XPR1: variants seen among roughly 807,000 people sequenced by gnomAD.
XPR1 encodes xenotropic and polytropic retrovirus receptor 1.
A neutral mutation model predicts 87.5 loss-of-function variants in XPR1; 28 were observed. That is an observed-to-expected ratio of 0.32 (90% confidence interval 0.24 to 0.44). The LOEUF is 0.44. XPR1 is among the 20% of genes least tolerant of loss of function. The pLI is 1.00. For missense variants in XPR1, 559 were observed against 862.3 expected (o/e 0.65, Z 4.41); for synonymous variants, 300 against 306.1 (o/e 0.98, Z 0.21).
chr1:180,883,384 A>G (rs922962962), intron 14 of XPR1, among the ~76,000 whole-genome samples: 3 of 151,912 alleles, frequency 2.0e-5, no homozygotes, highest in African/African-American at 7.3e-5. Context: ...GGAAACGGGC[A>G]CTCAAAGGGT....
rs531333789 is a variant in XPR1 at position 180,877,255 on chromosome 1, CTT to C, written c.1809-2820_1809-2819del. 4.4e-3 allele frequency among the ~76,000 whole-genome samples: 664 copies of C among 152,240 alleles called. 3 individuals carry two copies. The highest frequency in any genetic ancestry group is 0.015 in the African/African-American group (627 of 41,526). On this transcript the variant is annotated intron_variant, in intron 13 of 14. Transcript: ENST00000367590. ...TCCTGAAAAGAACAAAGTTAAAAGA[CTT>C]ATACTGTCAGATATCAAAATTGATT...
chr1:180,850,707 C>A (rs1401501141), intron 11 of XPR1, among the ~76,000 whole-genome samples: 1 of 152,074 alleles, frequency 6.6e-6, no homozygotes, highest in African/African-American at 2.4e-5. Flanking sequence ...CCTGTAATCT[C>A]AGCATTTTGG....
chr1:180,742,102 G>A (rs551844282), intron 2 of XPR1, among the ~76,000 whole-genome samples: 16 of 151,606 alleles, frequency 1.1e-4, no homozygotes, highest in South Asian at 4.2e-4. Flanking sequence ...TTTCTAAAGA[G>A]CCATCTTTTG....
At chr1:180,668,410 T>A (rs1656041624) in intron 1 of XPR1, among the ~76,000 whole-genome samples, 1 of 152,218 alleles carries the variant, frequency 6.6e-6, no homozygotes, top group Non-Finnish European at 1.5e-5. Context: ...ATTACAGGCG[T>A]GAGCCACTGC....
intron 2 of XPR1, among the ~76,000 whole-genome samples, chr1:180,731,703 C>T (rs1395468682): frequency 6.6e-6 from 1 of 152,162 alleles, no homozygotes; most frequent in Non-Finnish European, 1.5e-5. Context: ...ATCATTTTAA[C>T]ACATAATCAA....
chr1:180,652,754 G>C, intron 1 of XPR1, among the ~76,000 whole-genome samples: 1 of 152,164 alleles, frequency 6.6e-6, no homozygotes, highest in East Asian at 1.9e-4. Flanking sequence ...TTCAAATCTA[G>C]CTTGATGTAT....
chr1:180,862,972 A>T (rs183839011), intron 11 of XPR1, among the ~76,000 whole-genome samples: 1 of 152,262 alleles, frequency 6.6e-6, no homozygotes, highest in East Asian at 1.9e-4. Context: ...ATTAAATTGT[A>T]TAACTATATT....
intron 2 of XPR1, among the ~76,000 whole-genome samples, chr1:180,749,918 A>G (rs1453886460): frequency 6.6e-6 from 1 of 152,220 alleles, no homozygotes; most frequent in Non-Finnish European, 1.5e-5. Context: ...TAAAAGGGCA[A>G]ATGAAGGGTT....
intron 2 of XPR1, among the ~76,000 whole-genome samples, chr1:180,727,312 A>C (rs1658388211): frequency 6.6e-6 from 1 of 152,152 alleles, no homozygotes; most frequent in Non-Finnish European, 1.5e-5. Context: ...GATCTTGCGC[A>C]AGAAAGAATG....
intron 7 of XPR1, among the ~76,000 whole-genome samples, chr1:180,824,121 C>G (rs1344541466): frequency 1.3e-5 from 2 of 152,170 alleles, no homozygotes; most frequent in Non-Finnish European, 2.9e-5. Context: ...CAGAACTGAT[C>G]ACATGATTCT....
chr1:180,632,706 C>T (rs951697254), intron 1 of XPR1, among the ~76,000 whole-genome samples: 7 of 152,250 alleles, frequency 4.6e-5, no homozygotes, highest in African/African-American at 1.2e-4. Context: ...GTTTCTCTCT[C>T]TACACCTCTC....
intron 2 of XPR1, among the ~76,000 whole-genome samples, chr1:180,714,394 TC>T: frequency 7.0e-6 from 1 of 142,312 alleles, no homozygotes; most frequent in African/African-American, 2.7e-5. Flanking sequence ...TCTCTCTCTC[TC>T]TCTCTCTGTC....
intron 13 of XPR1, among the ~76,000 whole-genome samples, chr1:180,874,467 A>G (rs1652598003): frequency 2.6e-5 from 4 of 152,096 alleles, no homozygotes; most frequent in Admixed American, 2.6e-4. Context: ...AGGCCGGTGG[A>G]TCACCTGAGG....
chr1:180,815,406 A>G (rs953572739), intron 7 of XPR1, among the ~76,000 whole-genome samples: 2 of 152,150 alleles, frequency 1.3e-5, no homozygotes, highest in African/African-American at 4.8e-5. Context: ...GAGGGTAAAT[A>G]TAGTTAAAGC....
At chr1:180,709,163 C>T (rs1032579436) in intron 2 of XPR1, among the ~76,000 whole-genome samples, 3 of 152,150 alleles carry the variant, frequency 2.0e-5, no homozygotes, top group South Asian at 2.1e-4. Flanking sequence ...CCACCCGCCT[C>T]GGCCTCCCAA....
At chr1:180,767,127 G>A (rs1467098223) in intron 2 of XPR1, among the ~76,000 whole-genome samples, 3 of 152,144 alleles carry the variant, frequency 2.0e-5, no homozygotes, top group African/African-American at 7.2e-5. Context: ...TTTAAAAGGG[G>A]GAGGGGAATC....
intron 2 of XPR1, among the ~76,000 whole-genome samples, chr1:180,704,268 A>ATATATCTATATG: frequency 7.1e-6 from 1 of 140,068 alleles, no homozygotes; most frequent in East Asian, 2.1e-4. Flanking sequence ...ATATATATAT[A>ATATATCTATATG]TATATATATT....
chr1:180,755,472 C>T (rs1358342116), intron 2 of XPR1, among the ~76,000 whole-genome samples: 1 of 152,196 alleles, frequency 6.6e-6, no homozygotes, highest in Non-Finnish European at 1.5e-5. Flanking sequence ...GCACACCTCA[C>T]ACATCTACCA....
chr1:180,832,235 A>G (rs1246376624), intron 9 of XPR1, among the ~76,000 whole-genome samples: 2 of 151,500 alleles, frequency 1.3e-5, no homozygotes, highest in African/African-American at 4.8e-5. Flanking sequence ...CCACTTTTTG[A>G]TGGTTTTTTT....
Sources: gnomAD v4.1 joint callset for allele counts (sites outside exome capture counted in the v4.1 genomes callset) on GRCh38, gnomAD v4.1.1 for gene constraint, MANE v1.5 for transcripts, NCBI Gene and HGNC (gene_info 2026-07-23, HGNC 2026-07-21) for gene names.